The following DTNA variants were observed in gnomAD, a reference collection of about 807,000 sequenced individuals.
The protein encoded by DTNA is dystrophin-related protein 3.
DTNA carries 43 observed loss-of-function variants against 100.7 expected under a neutral mutation model. The ratio of observed to expected loss-of-function variants is 0.43; its 90% confidence interval spans 0.33 to 0.55. The LOEUF is 0.55. DTNA is among the 20% of genes least tolerant of loss of function. The pLI is 0.04. For missense variants in DTNA, 798 were observed against 953.9 expected (o/e 0.84, Z 2.15); for synonymous variants, 349 against 347.9 (o/e 1.00, Z -0.04).
At chr18:34,624,432 G>A (rs1358004334) in intron 1 of DTNA, among the ~76,000 whole-genome samples, 2 of 151,912 alleles carry the variant, frequency 1.3e-5, no homozygotes, top group African/African-American at 4.9e-5. Flanking sequence ...GTAAAGATCT[G>A]ACAGCACAAC....
intron 1 of DTNA, among the ~76,000 whole-genome samples, chr18:34,681,695 AAC>A (rs71813996): frequency 0.09 from 12,757 of 142,244 alleles, 520 homozygotes; most frequent in Non-Finnish European, 0.11. Flanking sequence ...CCCTATACAC[AAC>A]ACACACACAC....
chr18:34,567,627 A>G (rs185579172), intron 1 of DTNA, among the ~76,000 whole-genome samples: 3 of 152,288 alleles, frequency 2.0e-5, no homozygotes, highest in East Asian at 3.9e-4. Flanking sequence ...ACTAACATCA[A>G]TCAACAGGTC....
intron 1 of DTNA, among the ~76,000 whole-genome samples, chr18:34,554,602 C>G (rs1359371695): frequency 2.6e-5 from 4 of 151,828 alleles, no homozygotes; most frequent in Admixed American, 2.6e-4. Flanking sequence ...TGAATTTTGT[C>G]AAAGGCCTTC....
At chr18:34,690,817 G>A (rs542834713) in intron 1 of DTNA, among the ~76,000 whole-genome samples, 7 of 152,304 alleles carry the variant, frequency 4.6e-5, no homozygotes, top group Non-Finnish European at 8.8e-5. Context: ...AAGGGCAAAG[G>A]CACAAAGCAA....
intron 12 of DTNA, 65 bp downstream of exon 12, chr18:34,838,236 G>A (rs2096196317): frequency 6.4e-7 from 1 of 1,559,398 alleles, no homozygotes; most frequent in South Asian, 1.1e-5. Context: ...GATTTCTTTT[G>A]TCAAAAATGC....
intron 1 of DTNA, among the ~76,000 whole-genome samples, chr18:34,676,133 A>G (rs2077370670): frequency 6.6e-6 from 1 of 152,120 alleles, no homozygotes; most frequent in African/African-American, 2.4e-5. Context: ...ATAAACGTGT[A>G]TGCTTTACCA....
rs1331350494 is a variant in DTNA, at chr18:34,812,106, C to T, written c.596C>T (p.Ser199Phe). The change falls in exon 6 of 23, where the codon TCC (serine) becomes TTC (phenylalanine). Residue 199 changes from serine (S) to phenylalanine (F), a missense_variant. This residue lies in a region of DTNA where 81 missense variants were observed against 153.5 expected (regional missense o/e 0.53). Transcript: ENST00000444659. ...YTEQSARSCF[S>F]QQKKVTLNGF... ...GAACAGTCAGCCAGATCCTGTTTCTCCCAACAGGTAGGAGAAAAATATGTT... is the reference window on the plus strand; with the variant it reads ...GAACAGTCAGCCAGATCCTGTTTCTTCCAACAGGTAGGAGAAAAATATGTT... 1.2e-6 allele frequency: 2 copies of T among 1,613,982 alleles called. No individual in the cohort carries two copies. The highest frequency in any genetic ancestry group is 1.7e-6 in the Non-Finnish European group (2 of 1,179,916).
intron 6 of DTNA, among the ~76,000 whole-genome samples, chr18:34,813,133 GGTTA>G (rs1288340087): frequency 4.6e-5 from 7 of 152,256 alleles, no homozygotes; most frequent in Non-Finnish European, 7.4e-5. Context: ...ATACATTAAA[GGTTA>G]GTTTACCATT....
chr18:34,827,605 T>A lies in DTNA; in HGVS notation c.1014T>A (p.Pro338=). The part of the protein sequence containing the change: ...LNLAHIVPPR[P]VTSMNDTLFS... ...TGTTTTGTTTTAGGCCTCCCAGACC[T>A]GTAACCAGCATGAACGACACCCTGT... Residue 338 remains proline (P), a synonymous_variant, in exon 10 of 23, where the codon CCT becomes CCA. Transcript: ENST00000444659. The A allele has an allele frequency of 6.2e-7, 1 of 1,613,924 alleles. No homozygotes were observed. Among genetic ancestry groups the A allele is most frequent in the Non-Finnish European group, 8.5e-7 (1 of 1,179,818 alleles).
chr18:34,697,030 T>C (rs1259853490), intron 1 of DTNA, among the ~76,000 whole-genome samples: 1 of 152,152 alleles, frequency 6.6e-6, no homozygotes, highest in Non-Finnish European at 1.5e-5. Flanking sequence ...CTACTAACAA[T>C]CTACGATGCT....
chr18:34,557,785 G>A (rs1055354149), intron 1 of DTNA, among the ~76,000 whole-genome samples: 4 of 151,920 alleles, frequency 2.6e-5, no homozygotes, highest in Admixed American at 6.5e-5. Context: ...TGTCAGACAG[G>A]GACATTTAAG....
At chr18:34,726,727 G>A (rs2086781572) in intron 1 of DTNA, among the ~76,000 whole-genome samples, 1 of 152,226 alleles carries the variant, frequency 6.6e-6, no homozygotes, top group Non-Finnish European at 1.5e-5. Context: ...CCGAGTGGCT[G>A]CTCTCCTGGA....
At chr18:34,771,454 C>T (rs959722336) in intron 3 of DTNA, among the ~76,000 whole-genome samples, 1 of 151,678 alleles carries the variant, frequency 6.6e-6, no homozygotes, top group African/African-American at 2.4e-5. Context: ...GAGCTGAGAT[C>T]GTGCCACTGC....
intron 4 of DTNA, among the ~76,000 whole-genome samples, chr18:34,800,220 A>AAGAGCT (rs1220109166): frequency 1.3e-5 from 2 of 152,210 alleles, no homozygotes; most frequent in Non-Finnish European, 1.5e-5. Context: ...GACATATGTA[A>AAGAGCT]AGAGCTTGCT....
rs113513768 is a variant in DTNA, at chr18:34,780,666, T to C, written c.149-13371T>C. 9.3e-3 allele frequency among the ~76,000 whole-genome samples: 1,420 copies of C among 152,296 alleles called. 17 individuals carry two copies. Among genetic ancestry groups the C allele is most frequent in the African/African-American group, 0.033 (1,353 of 41,558 alleles). ...TCATAATCATCATTTTCTTCTCATT[T>C]ATTGTTCTGGGAGGATTCAGCCAGG... On this transcript the variant is annotated intron_variant, in intron 3 of 22. Coordinates refer to ENST00000444659, the MANE Select transcript of DTNA (RefSeq NM_001386795.1).
intron 1 of DTNA, among the ~76,000 whole-genome samples, chr18:34,668,544 CT>C (rs2076275248): frequency 6.6e-6 from 1 of 152,052 alleles, no homozygotes; most frequent in South Asian, 2.1e-4. Flanking sequence ...ATCTTTCCTG[CT>C]TTCTCTTGTG....
chr18:34,522,234 C>G (rs2042215638), intron 1 of DTNA, among the ~76,000 whole-genome samples: 3 of 152,098 alleles, frequency 2.0e-5, no homozygotes, highest in Admixed American at 2.0e-4. Context: ...ACTGTTATCC[C>G]TTTATTATAA....
At chr18:34,631,958 T>A (rs1202130186) in intron 1 of DTNA, among the ~76,000 whole-genome samples, 1 of 152,154 alleles carries the variant, frequency 6.6e-6, no homozygotes, top group East Asian at 1.9e-4. Context: ...GCAGATAAGT[T>A]TTTTGCATAC....
chr18:34,643,673 A>G lies in DTNA; in HGVS notation c.-1-112303A>G, dbSNP rs2059536062. 3.9e-5 allele frequency among the ~76,000 whole-genome samples: 6 copies of G among 152,318 alleles called. No individual in the cohort carries two copies. In the South Asian group the frequency reaches 1.2e-3, roughly 32 times the overall value. Reference sequence around the variant, plus strand: ...TCAGAAGCATCTGACCAGTATCCCAATTTTAACCTTAAACATATTTCAGAT... The same window carrying G: ...TCAGAAGCATCTGACCAGTATCCCAGTTTTAACCTTAAACATATTTCAGAT... On this transcript the variant is annotated intron_variant, in intron 1 of 19. Coordinates refer to the DTNA transcript ENST00000283365.
Sources: allele counts gnomAD v4.1 joint callset (sites outside exome capture counted in the v4.1 genomes callset), GRCh38; gene constraint gnomAD v4.1.1; regional missense constraint gnomAD v4.1.1; transcripts MANE v1.5; gene names NCBI Gene and HGNC (gene_info 2026-07-23, HGNC 2026-07-21).